Variants in CAMK1D observed in about 807,000 individuals in gnomAD.
The protein encoded by CAMK1D is calcium/calmodulin dependent protein kinase ID.
In CAMK1D, 9 loss-of-function variants were observed where a neutral mutation model predicts 47.7. The observed-to-expected ratio is 0.19, with a 90% CI of 0.11 to 0.33. The LOEUF (loss-of-function observed/expected upper bound fraction) is 0.33, where lower values mean the gene tolerates loss of function less well. Among genes scored for constraint, CAMK1D ranks in the 10% least tolerant of loss-of-function variants. The pLI is 1.00. For missense variants in CAMK1D, 291 were observed against 488.7 expected, an observed-to-expected ratio of 0.60 and a Z score of 3.81; for synonymous variants, 184 against 184.9, an observed-to-expected ratio of 0.99 and a Z score of 0.04.
intron 3 of CAMK1D, among the ~76,000 whole-genome samples, chr10:12,742,510 T>G (rs1835477602): frequency 6.6e-6 from 1 of 152,178 alleles, no homozygotes; most frequent in African/African-American, 2.4e-5. Context: ...ATTGGCCGAG[T>G]TGTGCAACCA....
intron 1 of CAMK1D, among the ~76,000 whole-genome samples, chr10:12,425,480 C>T (rs558536398): frequency 1.3e-5 from 2 of 152,112 alleles, no homozygotes; most frequent in Non-Finnish European, 2.9e-5. Flanking sequence ...CGGGGTTTCA[C>T]CACGTTGGCC....
chr10:12,810,689 CCA>C (rs1832567779), intron 6 of CAMK1D, among the ~76,000 whole-genome samples: 1 of 152,184 alleles, frequency 6.6e-6, no homozygotes, highest in African/African-American at 2.4e-5. Flanking sequence ...ACCAAACGCC[CCA>C]CAGAGAGAAC....
At position 12,773,462 on chromosome 10, in the gene CAMK1D, A is replaced by G. The variant is rs557925920; in HGVS notation, c.565+3663A>G. Among the ~76,000 whole-genome samples the G allele has an allele frequency of 2.0e-5, 3 of 152,332 alleles. No homozygotes were observed. The South Asian group carries it at 6.2e-4, about 32-fold the overall frequency. On this transcript the variant is annotated intron_variant, in intron 5 of 10. Transcript: ENST00000619168. The stretch of plus-strand genomic sequence containing the variant: ...GCTTACAATACCTGATGCAATGTAA[A>G]TGCTGTGGAAATAGTTGTCATAGGT...
At chr10:12,412,819 C>T (rs935744655) in intron 1 of CAMK1D, among the ~76,000 whole-genome samples, 5 of 152,030 alleles carry the variant, frequency 3.3e-5, no homozygotes, top group African/African-American at 1.2e-4. Flanking sequence ...TTTTCTAGCC[C>T]CTTCCCTCTG....
At chr10:12,529,541 A>T (rs2132216931) in intron 1 of CAMK1D, among the ~76,000 whole-genome samples, 1 of 152,294 alleles carries the variant, frequency 6.6e-6, no homozygotes, top group Admixed American at 6.5e-5. Context: ...GGATTGCATG[A>T]TTTATATCGA....
intron 1 of CAMK1D, among the ~76,000 whole-genome samples, chr10:12,468,504 G>C (rs1833655556): frequency 6.6e-6 from 1 of 152,238 alleles, no homozygotes; most frequent in South Asian, 2.1e-4. Context: ...CAGGTGCAGA[G>C]GAGAGGTGAG....
intron 1 of CAMK1D, among the ~76,000 whole-genome samples, chr10:12,401,162 A>T (rs868698443): frequency 1.8e-5 from 1 of 56,860 alleles, no homozygotes; most frequent in Non-Finnish European, 3.0e-5. Context: ...ATATATATAT[A>T]ATATATGTAT....
chr10:12,439,484 G>T (rs1832723542), intron 1 of CAMK1D, among the ~76,000 whole-genome samples: 1 of 152,290 alleles, frequency 6.6e-6, no homozygotes, highest in South Asian at 2.1e-4. Flanking sequence ...GCGTTTTAGG[G>T]CTTGGCTGTG....
At chr10:12,361,542 G>C (rs1041255113) in intron 1 of CAMK1D, among the ~76,000 whole-genome samples, 1 of 113,922 alleles carries the variant, frequency 8.8e-6, no homozygotes, top group Non-Finnish European at 1.7e-5. Context: ...ACTGTGCCTG[G>C]CCCTTTTTTT....
chr10:12,383,429 A>C (rs1305669805), intron 1 of CAMK1D, among the ~76,000 whole-genome samples: 2 of 152,202 alleles, frequency 1.3e-5, no homozygotes, highest in African/African-American at 4.8e-5. Context: ...AGTGACTTGC[A>C]ACTCGGGGAA....
chr10:12,807,598 G>A (rs1251963621), intron 6 of CAMK1D, among the ~76,000 whole-genome samples: 7 of 152,306 alleles, frequency 4.6e-5, no homozygotes, highest in Non-Finnish European at 8.8e-5. Context: ...CACTGAAGAG[G>A]GAGCTGGAAT....
intron 2 of CAMK1D, among the ~76,000 whole-genome samples, chr10:12,556,844 G>A (rs1445729087): frequency 1.3e-5 from 2 of 152,244 alleles, no homozygotes; most frequent in Non-Finnish European, 2.9e-5. Context: ...AGGACTCTAT[G>A]TATGTAGGGA....
chr10:12,388,278 T>C (rs149704883), intron 1 of CAMK1D, among the ~76,000 whole-genome samples: 1 of 152,278 alleles, frequency 6.6e-6, no homozygotes, highest in African/African-American at 2.4e-5. Flanking sequence ...CCGCTGGCCT[T>C]GACCTCCCAA....
chr10:12,801,333 CTATCTATCTATCTATCTATCT>C (rs1281554107), intron 6 of CAMK1D, among the ~76,000 whole-genome samples: 54 of 113,236 alleles, frequency 4.8e-4, no homozygotes, highest in Admixed American at 3.9e-3. Context: ...ATCTATCTAT[CTATCTATCTATCTATCTATCT>C]TATCTATCTA....
At chr10:12,798,197 T>C (rs1003460662) in intron 6 of CAMK1D, among the ~76,000 whole-genome samples, 3 of 152,238 alleles carry the variant, frequency 2.0e-5, no homozygotes, top group Admixed American at 1.3e-4. Context: ...CTTATTTTCA[T>C]CTTAACCCCA....
At chr10:12,580,179 G>T (rs373185775) in intron 2 of CAMK1D, among the ~76,000 whole-genome samples, 1 of 152,114 alleles carries the variant, frequency 6.6e-6, no homozygotes, top group Admixed American at 6.6e-5. Flanking sequence ...AGACCTGGCT[G>T]TGTGAGCCAG....
chr10:12,822,147 C>T (rs967249761), intron 8 of CAMK1D, among the ~76,000 whole-genome samples: 2 of 152,200 alleles, frequency 1.3e-5, no homozygotes, highest in East Asian at 1.9e-4. Context: ...GTTGGCGAAG[C>T]GTGCTGAAGT....
At chr10:12,457,956 G>T (rs945668878) in intron 1 of CAMK1D, among the ~76,000 whole-genome samples, 1 of 152,070 alleles carries the variant, frequency 6.6e-6, no homozygotes, top group Non-Finnish European at 1.5e-5. Context: ...CCTTTGCATG[G>T]GTCTTTTGAT....
At chr10:12,620,904 A>G (rs1838977583) in intron 2 of CAMK1D, among the ~76,000 whole-genome samples, 1 of 152,166 alleles carries the variant, frequency 6.6e-6, no homozygotes, top group South Asian at 2.1e-4. Context: ...TTCAACTTCT[A>G]CGTTAAACTC....
Sources: gnomAD v4.1 joint callset for allele counts (sites outside exome capture counted in the v4.1 genomes callset) on GRCh38, gnomAD v4.1.1 for gene constraint, MANE v1.5 for transcripts, NCBI Gene and HGNC (gene_info 2026-07-23, HGNC 2026-07-21) for gene names.